The following ANKRD52 variants were observed in gnomAD, a reference collection of about 807,000 sequenced individuals.
The protein encoded by ANKRD52 is serine/threonine-protein phosphatase 6 regulatory ankyrin repeat subunit C.
A neutral mutation model predicts 116.0 loss-of-function variants in ANKRD52; 7 were observed. The observed-to-expected ratio is 0.06, with a 90% CI of 0.03 to 0.11. The LOEUF (loss-of-function observed/expected upper bound fraction) is 0.11. Ranked by LOEUF, ANKRD52 falls within the 10% of genes least tolerant of loss-of-function variation. The pLI is 1.00. For missense variants in ANKRD52, 839 were observed against 1,408.6 expected (o/e 0.60, Z 6.47); for synonymous variants, 528 against 578.1 (o/e 0.91, Z 1.24).
chr12:56,247,748 G>T lies in ANKRD52; in HGVS notation c.2005C>A (p.His669Asn), dbSNP rs1327969672. Reference protein sequence around the residue: ...AAASGHTDSLHLLIDSGERAD... With the variant: ...AAASGHTDSLNLLIDSGERAD... ...CGTTCCCCACTGTCGATCAGCAAGT[G>T]CAGGGAGTCAGTGTGGCCAGAGGCA... is the stretch of plus-strand genomic sequence containing the variant. Residue 669 changes from histidine to asparagine, a missense_variant, in exon 19 of 28, where the codon CAC (histidine) becomes AAC (asparagine). Physicochemically the swap from His to Asn is moderately conservative, Grantham distance 68. Around this residue, in one of 2 missense-constraint regions of ANKRD52, gnomAD observed 552 missense variants for 810.6 expected, o/e 0.68. Coordinates refer to ENST00000267116, the MANE Select transcript of ANKRD52 (RefSeq NM_173595.4). The T allele has an allele frequency of 6.2e-7, 1 of 1,612,642 alleles. No individual in the cohort carries two copies. Among genetic ancestry groups the T allele is most frequent in the Non-Finnish European group, 8.5e-7 (1 of 1,179,324 alleles).
At position 56,239,433 on chromosome 12, in the gene ANKRD52, G is replaced by A. The variant is rs1409052945; in HGVS notation, c.*3709C>T. ...CTAGGCGGGATGGGGGCCCATACTG[G>A]TTTGCCCCAGGAGTAGGGTTTCTGG... On this transcript the variant is annotated 3_prime_UTR_variant, in exon 28 of 28. Coordinates refer to ENST00000267116, the MANE Select transcript of ANKRD52 (RefSeq NM_173595.4). The A allele has an allele frequency of 6.6e-6, 1 of 152,304 alleles. No individual in the cohort carries two copies. Among genetic ancestry groups the A allele is most frequent in the African/African-American group, 2.4e-5 (1 of 41,446 alleles). 9.4% of individuals were successfully genotyped at this position (152,304 alleles called of 1,614,324 possible).
chr12:56,241,801 T>G lies in ANKRD52; in HGVS notation c.*1341A>C. The G allele has an allele frequency of 2.5e-6, 1 of 393,812 alleles. No individual in the cohort carries two copies. The highest frequency in any genetic ancestry group is 2.1e-5 in the African/African-American group (1 of 48,620). 24.4% of individuals were successfully genotyped at this position (393,812 alleles called of 1,614,324 possible). ...GACCAGGGCCAAATTCAATGCTACATTTAGAGAGAAAACTGCCCCCTCTTC... is the reference window on the plus strand; with the variant it reads ...GACCAGGGCCAAATTCAATGCTACAGTTAGAGAGAAAACTGCCCCCTCTTC... On this transcript the variant is annotated 3_prime_UTR_variant, in exon 28 of 28. Transcript: ENST00000267116.
In ANKRD52 at chr12:56,243,393, C is replaced by T; in HGVS notation, c.2981-1G>A. 6.2e-7 allele frequency: 1 copy of T among 1,613,490 alleles called. No individual in the cohort carries two copies. The highest frequency in any genetic ancestry group is 8.5e-7 in the Non-Finnish European group (1 of 1,179,664). On this transcript the variant is annotated splice_acceptor_variant, in intron 27 of 27. Coordinates refer to ENST00000267116, the MANE Select transcript of ANKRD52 (RefSeq NM_173595.4). LOFTEE classifies it high-confidence loss of function. This position sits in a 1 kb window ranked among gnomAD's most constrained non-coding sequence, Gnocchi z 4.6. ...GCACAGGCCAGTGCTGGGGTGTGAC[C>T]TGCAGGGCCAAGGGGGAGAACTGAG...
chr12:56,248,396 A>T lies in ANKRD52; in HGVS notation c.1776+99T>A, dbSNP rs1871522439. On this transcript the variant is annotated intron_variant, in intron 17 of 27. Coordinates refer to ENST00000267116, the MANE Select transcript of ANKRD52 (RefSeq NM_173595.4). This position sits in a 1 kb window ranked among gnomAD's most constrained non-coding sequence, Gnocchi z 5.1. ...TGTGCTTATCCCCTCTCCCACAAAA[A>T]GGCAGAAGGAAGGATAACTTCACAA... 6.9e-7 allele frequency: 1 copy of T among 1,441,882 alleles called. No homozygotes were observed. Among genetic ancestry groups the T allele is most frequent in the Non-Finnish European group, 9.6e-7 (1 of 1,046,234 alleles). The allele number at this position is 1,441,882 out of a possible 1,614,324, so 89.3% of individuals were successfully genotyped here.
chr12:56,245,705 T>C (rs1871365428), intron 20 of ANKRD52, 109 bp from the exon 21 acceptor site: 1 of 834,388 alleles, frequency 1.2e-6, no homozygotes, highest in African/African-American at 1.8e-5. Context: ...CTCCAATCCT[T>C]GTCTTTTTTT....
Position 56,257,053 on chromosome 12 carries a change from G to A in ANKRD52, c.223C>T (p.Leu75=). ...ANVNAKDTLW[L]TPLHRAAASR... The stretch of plus-strand genomic sequence containing the variant: ...GCAGCAGCACGATGAAGAGGGGTCA[G>A]CCACAGTGTGTCCTTAGCATTGACA... Residue 75 remains leucine, a synonymous_variant, in exon 4 of 28, where the codon CTG becomes TTG. Transcript: ENST00000267116. 6.2e-7 allele frequency: 1 copy of A among 1,613,662 alleles called. No homozygotes were observed. Among genetic ancestry groups the A allele is most frequent in the Admixed American group, 1.7e-5 (1 of 59,956 alleles).
In ANKRD52 at chr12:56,258,033, G is replaced by A. The variant is rs1872049837; in HGVS notation, c.28-122C>T. 5 of 1,300,682 alleles carry A rather than the reference G, an allele frequency of 3.8e-6. No individual in the cohort carries two copies. In the East Asian group the frequency reaches 7.5e-5, roughly 20 times the overall value. The allele number at this position is 1,300,682 out of a possible 1,614,324, so 80.6% of individuals were successfully genotyped here. A position where few individuals can be genotyped will look rare whatever the true frequency, so the allele number is the denominator to read the frequency against. ...GTCCGTGGAGGGGCTCCACTCTAGG[G>A]ATTCTGGCTGGAGCGAGCTCCCGCG... On this transcript the variant is annotated intron_variant, in intron 1 of 27. Coordinates refer to ENST00000267116, the MANE Select transcript of ANKRD52 (RefSeq NM_173595.4).
At chr12:56,250,557 A>T (rs1478441785) in intron 15 of ANKRD52, among the ~76,000 whole-genome samples, 1 of 151,686 alleles carries the variant, frequency 6.6e-6, no homozygotes, top group Non-Finnish European at 1.5e-5. Flanking sequence ...AGCAAAAAAT[A>T]AACTTTTTGT....
Position 56,254,775 on chromosome 12 carries a change from C to A in ANKRD52, c.551-55G>T, listed in dbSNP as rs1293785493. The stretch of plus-strand genomic sequence containing the variant: ...GTAGAAGGTAAACTCTAAGACCCTA[C>A]ACTCCTCTCTTCAAAGGCTGCAACC... On this transcript the variant is annotated intron_variant, in intron 6 of 27. Transcript: ENST00000267116. The surrounding 1 kb of genome is among the most constrained non-coding windows in gnomAD (Gnocchi z 4.6). 2 of 1,599,658 alleles carry A rather than the reference C, an allele frequency of 1.3e-6. No individual in the cohort carries two copies. The highest frequency in any genetic ancestry group is 1.7e-6 in the Non-Finnish European group (2 of 1,168,112).
chr12:56,244,144 G>A lies in ANKRD52; in HGVS notation c.2806-11C>T, dbSNP rs1407637748. On this transcript the variant is annotated splice_polypyrimidine_tract_variant and intron_variant, in intron 25 of 27. Coordinates refer to ENST00000267116, the MANE Select transcript of ANKRD52 (RefSeq NM_173595.4). The surrounding 1 kb of genome is among the most constrained non-coding windows in gnomAD (Gnocchi z 4.9). ...ACATTTCTCATGGCCCTGAGGGAGGGGAACAGAGAGTGGAGACTTGTGAAG... is the reference window on the plus strand; with the variant it reads ...ACATTTCTCATGGCCCTGAGGGAGGAGAACAGAGAGTGGAGACTTGTGAAG... The A allele has an allele frequency of 6.2e-7, 1 of 1,613,696 alleles. No individual in the cohort carries two copies.
Position 56,254,535 on chromosome 12 carries a change from C to G in ANKRD52, c.693+43G>C. 2 of 1,602,468 alleles carry G rather than the reference C, an allele frequency of 1.2e-6. No homozygotes were observed. Among genetic ancestry groups the G allele is most frequent in the African/African-American group, 2.7e-5 (2 of 74,668 alleles). ...CTCCGTAACAGACTATAATCTCCTA[C>G]TTGCTGCCCATAGTTCCCAACCCCA... On this transcript the variant is annotated intron_variant, in intron 7 of 27. Coordinates refer to ENST00000267116, the MANE Select transcript of ANKRD52 (RefSeq NM_173595.4). The surrounding 1 kb of genome is among the most constrained non-coding windows in gnomAD (Gnocchi z 4.6).
rs147710155 is a variant in ANKRD52, at chr12:56,238,169, A to G, written c.*4973T>C. On this transcript the variant is annotated 3_prime_UTR_variant, in exon 28 of 28. Coordinates refer to ENST00000267116, the MANE Select transcript of ANKRD52 (RefSeq NM_173595.4). The stretch of plus-strand genomic sequence containing the variant: ...AGGTGGTTCCGGGGCAGGGAGAGGC[A>G]GGAATGGGAAAATTGCTTAGAGAAA... The G allele has an allele frequency of 3.5e-4, 58 of 165,902 alleles. No individual in the cohort carries two copies. The East Asian group carries it at 8.9e-3, about 26-fold the overall frequency. 10.3% of individuals were successfully genotyped at this position (165,902 alleles called of 1,614,324 possible).
In ANKRD52 at chr12:56,257,836, T is replaced by C. The variant is rs781064989; in HGVS notation, c.103A>G (p.Asn35Asp). 1.2e-6 allele frequency: 2 copies of C among 1,613,658 alleles called. No homozygotes were observed. The highest frequency in any genetic ancestry group is 2.2e-5 in the South Asian group (2 of 91,038). The change falls in exon 2 of 28, where the codon AAT (asparagine) becomes GAT (aspartate). Residue 35 changes from asparagine (N) to aspartate (D), a missense_variant. Transcript: ENST00000267116. ...RSLLSQKENI[N>D]VLDQERRTPL... is the part of the protein sequence containing the mutation. ...CCCTGCTCCCAACTCACCAGCACAT[T>C]GATGTTCTCCTTCTGCGAGAGTAGG...
Position 56,237,958 on chromosome 12 carries a change from G to T in ANKRD52, c.*5184C>A. 2.2e-6 allele frequency: 1 copy of T among 460,074 alleles called. No homozygotes were observed. Among genetic ancestry groups the T allele is most frequent in the Non-Finnish European group, 3.8e-6 (1 of 266,238 alleles). 28.5% of individuals were successfully genotyped at this position (460,074 alleles called of 1,614,324 possible). ...TGTGAGTAGGGGCCTGGAGGGTGCA[G>T]GGTCATTAATCTGCGGGGAGAACAT... On this transcript the variant is annotated 3_prime_UTR_variant, in exon 28 of 28. Transcript: ENST00000267116.
chr12:56,249,765 C>T (rs573599678), intron 15 of ANKRD52, among the ~76,000 whole-genome samples: 2 of 152,304 alleles, frequency 1.3e-5, no homozygotes, highest in East Asian at 3.9e-4. Context: ...TTAGGCTGGG[C>T]GTGGTGGCTC....
Position 56,245,129 on chromosome 12 carries a change from G to C in ANKRD52, c.2466C>G (p.Asn822Lys), listed in dbSNP as rs377685806. The C allele has an allele frequency of 6.2e-7, 1 of 1,613,998 alleles. No individual in the cohort carries two copies. The change falls in exon 22 of 28, where the codon AAC becomes AAG. Residue 822 changes from asparagine (N) to lysine (K), a missense_variant. Coordinates refer to ENST00000267116, the MANE Select transcript of ANKRD52 (RefSeq NM_173595.4). The stretch of plus-strand genomic sequence containing the variant: ...CTGCACAGTGCAAAGGAGTGAAGGG[G>C]TTTCCTTCCAGGTACGAAAACGGGC... Reference protein sequence around the residue: ...EHSPFSYLEGNPFTPLHCAVI... With the variant: ...EHSPFSYLEGKPFTPLHCAVI...
rs930291468 is a variant in ANKRD52, at chr12:56,241,331, G to A, written c.*1811C>T. On this transcript the variant is annotated 3_prime_UTR_variant, in exon 28 of 28. Coordinates refer to ENST00000267116, the MANE Select transcript of ANKRD52 (RefSeq NM_173595.4). Reference sequence around the variant, plus strand: ...AGGGACCATGAAAAGATAAGGACTTGGACAACACCCCAGGCTTCTGGAAAC... The same window carrying A: ...AGGGACCATGAAAAGATAAGGACTTAGACAACACCCCAGGCTTCTGGAAAC... 4 of 151,992 alleles carry A rather than the reference G, an allele frequency of 2.6e-5. No individual in the cohort carries two copies. Among genetic ancestry groups the A allele is most frequent in the African/African-American group, 9.7e-5 (4 of 41,358 alleles). 9.4% of individuals were successfully genotyped at this position (151,992 alleles called of 1,614,324 possible). A position where few individuals can be genotyped will look rare whatever the true frequency, so the allele number is the denominator to read the frequency against.
intron 2 of ANKRD52, among the ~76,000 whole-genome samples, 184 bp downstream of exon 2, chr12:56,257,644 G>A (rs956355914): frequency 5.9e-5 from 9 of 152,114 alleles, no homozygotes; most frequent in African/African-American, 2.2e-4. Flanking sequence ...CAGCCCAAGT[G>A]ATCTGGGCTT....
rs1871186308 is a variant in ANKRD52 at position 56,241,927 on chromosome 12, C to A, written c.*1215G>T. 1.0e-5 allele frequency: 4 copies of A among 398,578 alleles called. No individual in the cohort carries two copies. The highest frequency in any genetic ancestry group is 1.8e-5 in the Non-Finnish European group (4 of 226,120). The allele number at this position is 398,578 out of a possible 1,614,324, so 24.7% of individuals were successfully genotyped here. On this transcript the variant is annotated 3_prime_UTR_variant, in exon 28 of 28. Transcript: ENST00000267116. The stretch of plus-strand genomic sequence containing the variant: ...TCCTCCCTGCTGGGAAGGCAGGGAC[C>A]AAGCCCCAGTACCTATTCATCTCTC...
Sources: allele counts gnomAD v4.1 joint callset (sites outside exome capture counted in the v4.1 genomes callset), GRCh38; gene constraint gnomAD v4.1.1; regional missense constraint gnomAD v4.1.1; non-coding constraint Gnocchi (gnomAD v3.1); transcripts MANE v1.5; gene names NCBI Gene and HGNC (gene_info 2026-07-23, HGNC 2026-07-21).